The following HFM1 variants were observed in gnomAD, a reference collection of about 807,000 sequenced individuals.
HFM1 encodes the protein probable ATP-dependent DNA helicase HFM1.
A neutral mutation model predicts 192.1 loss-of-function variants in HFM1; 169 were observed. The observed-to-expected ratio is 0.88, with a 90% confidence interval of 0.78 to 1.00. The LOEUF is 1.00. HFM1 is among the 50% of genes least tolerant of loss of function. The pLI is 0.00. For missense variants in HFM1, 1,661 were observed against 1,668.0 expected, an observed-to-expected ratio of 1.00 and a Z score of 0.07; for synonymous variants, 525 against 537.8, an observed-to-expected ratio of 0.98 and a Z score of 0.33.
intron 4 of HFM1, among the ~76,000 whole-genome samples, chr1:91,387,933 A>T (rs1013437075): frequency 4.4e-5 from 3 of 68,246 alleles, no homozygotes; most frequent in Admixed American, 1.7e-4. Flanking sequence ...AAAAAAATTA[A>T]AAAAAAAAAA....
chr1:91,273,726 T>C lies in HFM1; in HGVS notation c.3758A>G (p.Glu1253Gly). Reference protein sequence around the residue: ...IYGKVRQEPSEYQDKEVLNVN... With the variant: ...IYGKVRQEPSGYQDKEVLNVN... ...TGGTAATTTACCTTTGTCTTGATAT[T>C]CAGATGGTTCTTGTCTAACTTTTCC... is the stretch of plus-strand genomic sequence containing the variant. The change falls in exon 34 of 39, where the codon GAA (glutamate) becomes GGA (glycine). Residue 1253 changes from glutamate (E) to glycine (G), a missense_variant. Transcript: ENST00000370425. 6.4e-7 allele frequency: 1 copy of C among 1,563,230 alleles called. No individual in the cohort carries two copies. Among genetic ancestry groups the C allele is most frequent in the Non-Finnish European group, 8.8e-7 (1 of 1,135,420 alleles).
At chr1:91,380,329 G>A in intron 7 of HFM1, 93 bp from the exon 8 acceptor site, 2 of 739,670 alleles carry the variant, frequency 2.7e-6, no homozygotes, top group Non-Finnish European at 4.1e-6. Context: ...AAGAATCTAA[G>A]GAATAATAGT....
chr1:91,292,307 T>A (rs1241445042), intron 30 of HFM1, among the ~76,000 whole-genome samples: 1 of 43,696 alleles, frequency 2.3e-5, no homozygotes, highest in Admixed American at 2.9e-4. Context: ...AAAACCCCAT[T>A]GTCTCAGCCC....
intron 35 of HFM1, among the ~76,000 whole-genome samples, chr1:91,266,932 A>C (rs1047415483): frequency 5.3e-5 from 8 of 152,178 alleles, no homozygotes; most frequent in Non-Finnish European, 8.8e-5. Flanking sequence ...AAGGGCCCCC[A>C]AAACAATAAC....
chr1:91,390,602 C>T (rs1442821364), intron 4 of HFM1, among the ~76,000 whole-genome samples: 4 of 151,974 alleles, frequency 2.6e-5, no homozygotes, highest in Admixed American at 1.3e-4. Flanking sequence ...ATGGGATATA[C>T]CTCAAAATAA....
intron 11 of HFM1, 48 bp downstream of exon 11, chr1:91,377,977 T>C: frequency 6.5e-7 from 1 of 1,528,140 alleles, no homozygotes; most frequent in Non-Finnish European, 9.0e-7. Context: ...GACTAAATAT[T>C]TCACAAGTCA....
intron 30 of HFM1, among the ~76,000 whole-genome samples, chr1:91,287,638 C>A (rs140720587): frequency 0.2 from 30,061 of 152,066 alleles, 3,710 homozygotes; most frequent in South Asian, 0.35. Context: ...AGTTCCTCAC[C>A]AGCAACAGAA....
At chr1:91,395,376 G>A (rs951064024) in intron 3 of HFM1, among the ~76,000 whole-genome samples, 1 of 152,066 alleles carries the variant, frequency 6.6e-6, no homozygotes, top group Admixed American at 6.6e-5. Context: ...TTATGTACAC[G>A]TATGTATGTG....
At chr1:91,368,969 CTT>C (rs1041462382) in intron 13 of HFM1, among the ~76,000 whole-genome samples, 17 of 152,262 alleles carry the variant, frequency 1.1e-4, no homozygotes, top group African/African-American at 4.1e-4. Context: ...ATAAAACAGA[CTT>C]TAAGCCAACA....
rs181009259 is a variant in HFM1 at position 91,361,189 on chromosome 1, G to A, written c.1686-7890C>T. 7.7e-4 allele frequency among the ~76,000 whole-genome samples: 116 copies of A among 150,422 alleles called. 1 individual carries two copies. The South Asian group carries it at 0.012, about 15-fold the overall frequency. On this transcript the variant is annotated intron_variant, in intron 13 of 38. Coordinates refer to ENST00000370425, the MANE Select transcript of HFM1 (RefSeq NM_001017975.6). The stretch of plus-strand genomic sequence containing the variant: ...AAGCTAGCAGAAGACAAGAAATAAC[G>A]AAGATCAGAGCTGAACCGAAGGAGA...
chr1:91,298,093 A>C lies in HFM1; in HGVS notation c.3391+15256T>G, dbSNP rs988960051. On this transcript the variant is annotated intron_variant, in intron 30 of 38. Coordinates refer to ENST00000370425, the MANE Select transcript of HFM1 (RefSeq NM_001017975.6). Reference sequence around the variant, plus strand: ...ATAACCAATGCAGAGAAGTCCTTAAAGGACCTGATGGAGCTGAAAACCACA... The same window carrying C: ...ATAACCAATGCAGAGAAGTCCTTAACGGACCTGATGGAGCTGAAAACCACA... Among the ~76,000 whole-genome samples the C allele has an allele frequency of 2.4e-4, 36 of 152,230 alleles. 1 individual carries two copies. The highest frequency in any genetic ancestry group is 8.7e-4 in the African/African-American group (36 of 41,468).
intron 13 of HFM1, among the ~76,000 whole-genome samples, chr1:91,361,287 A>G (rs1002504808): frequency 6.6e-6 from 1 of 152,122 alleles, no homozygotes; most frequent in Admixed American, 6.5e-5. Context: ...AAAAATTAAC[A>G]CAATATATAG....
At chr1:91,347,292 A>G in intron 19 of HFM1, 137 bp downstream of exon 19, 1 of 462,908 alleles carries the variant, frequency 2.2e-6, no homozygotes, top group Non-Finnish European at 3.9e-6. Context: ...TGAAAAAGAA[A>G]TAGTTCACAT....
chr1:91,344,848 G>T (rs1170169369), intron 19 of HFM1, among the ~76,000 whole-genome samples: 1 of 149,990 alleles, frequency 6.7e-6, no homozygotes, highest in Non-Finnish European at 1.5e-5. Flanking sequence ...CCAGGCCCAA[G>T]CAATCTTCCC....
chr1:91,265,970 G>C, intron 36 of HFM1, 47 bp downstream of exon 36: 1 of 1,580,014 alleles, frequency 6.3e-7, no homozygotes, highest in Non-Finnish European at 8.5e-7. Flanking sequence ...TATGTGTCAA[G>C]GGGATATAAA....
intron 6 of HFM1, among the ~76,000 whole-genome samples, chr1:91,381,861 C>T (rs1239240997): frequency 6.6e-6 from 1 of 152,100 alleles, no homozygotes; most frequent in African/African-American, 2.4e-5. Context: ...TAAAGATATA[C>T]AAGAACTGAT....
At chr1:91,276,517 G>A (rs532506901) in intron 32 of HFM1, 111 bp downstream of exon 32, 2 of 456,028 alleles carry the variant, frequency 4.4e-6, no homozygotes, top group East Asian at 7.1e-5. Flanking sequence ...TCTTAGTCAA[G>A]CCCACAAGTA....
intron 30 of HFM1, among the ~76,000 whole-genome samples, chr1:91,299,944 C>T (rs1648410376): frequency 6.6e-6 from 1 of 152,056 alleles, no homozygotes. Context: ...CAGAGCAGAA[C>T]TGAAGGAAAT....
chr1:91,312,293 A>G (rs1269937465), intron 30 of HFM1, among the ~76,000 whole-genome samples: 1 of 152,052 alleles, frequency 6.6e-6, no homozygotes. Context: ...GTGCACTTGG[A>G]AAAGCTGCAG....
Sources: allele counts gnomAD v4.1 joint callset (sites outside exome capture counted in the v4.1 genomes callset), GRCh38; gene constraint gnomAD v4.1.1; transcripts MANE v1.5; gene names NCBI Gene and HGNC (gene_info 2026-07-23, HGNC 2026-07-21).